The following PDE4B variants were observed in gnomAD, a reference collection of about 807,000 sequenced individuals.
The protein encoded by PDE4B is 3',5'-cyclic-AMP phosphodiesterase 4B.
A neutral mutation model predicts 82.2 loss-of-function variants in PDE4B; 20 were observed. That is an observed-to-expected ratio of 0.24 (90% confidence interval 0.17 to 0.35). The LOEUF (loss-of-function observed/expected upper bound fraction) is 0.35. Ranked by LOEUF, PDE4B falls within the 10% of genes least tolerant of loss-of-function variation. PDE4B has a pLI of 1.00. For synonymous variants in PDE4B, 320 were observed against 318.9 expected, an observed-to-expected ratio of 1.00 and a Z score of -0.04; for missense variants, 655 against 907.2, an observed-to-expected ratio of 0.72 and a Z score of 3.57.
intron 3 of PDE4B, among the ~76,000 whole-genome samples, chr1:66,028,381 C>G (rs1359322582): frequency 2.6e-5 from 4 of 152,138 alleles, no homozygotes; most frequent in Non-Finnish European, 4.4e-5. Flanking sequence ...ACAAAACCAC[C>G]TTTTCTTCCT....
intron 3 of PDE4B, among the ~76,000 whole-genome samples, chr1:66,122,334 T>C (rs1645726759): frequency 6.6e-6 from 1 of 152,232 alleles, no homozygotes; most frequent in African/African-American, 2.4e-5. Flanking sequence ...GCTGATTTTT[T>C]TCACATTTAT....
At chr1:66,241,629 C>A (rs1430576606) in intron 3 of PDE4B, among the ~76,000 whole-genome samples, 1 of 152,074 alleles carries the variant, frequency 6.6e-6, no homozygotes, top group Non-Finnish European at 1.5e-5. Flanking sequence ...CCTCAGCCTC[C>A]CGATACAGTT....
chr1:66,088,041 A>G (rs1644929785), intron 3 of PDE4B, among the ~76,000 whole-genome samples: 1 of 152,014 alleles, frequency 6.6e-6, no homozygotes, highest in South Asian at 2.1e-4. Context: ...AAATAATAAA[A>G]AAAAGTTTAC....
chr1:66,230,616 T>C lies in PDE4B; in HGVS notation c.282-16844T>C, dbSNP rs72924433. Among the ~76,000 whole-genome samples the C allele has an allele frequency of 9.6e-3, 1,469 of 152,312 alleles. 21 individuals are homozygous for C. Among genetic ancestry groups the C allele is most frequent in the African/African-American group, 0.033 (1,382 of 41,564 alleles). ...ATAGCAATGAGATTTAATTTGCGCA[T>C]CACAAAGACCGTTAGCCTTTAAACA... On this transcript the variant is annotated intron_variant, in intron 3 of 16. Coordinates refer to ENST00000341517, the MANE Select transcript of PDE4B (RefSeq NM_002600.4).
chr1:66,160,173 G>A (rs968854055), intron 3 of PDE4B, among the ~76,000 whole-genome samples: 5 of 152,186 alleles, frequency 3.3e-5, no homozygotes, highest in Non-Finnish European at 5.9e-5. Context: ...AATGTCCCAC[G>A]GTGTAGAGGA....
At chr1:66,175,726 C>A (rs1244898324) in intron 3 of PDE4B, among the ~76,000 whole-genome samples, 1 of 152,186 alleles carries the variant, frequency 6.6e-6, no homozygotes, top group East Asian at 1.9e-4. Flanking sequence ...TGAAGAATGA[C>A]ATTACTTCTT....
Position 66,036,826 on chromosome 1 carries a change from G to A in PDE4B, c.281+117991G>A, listed in dbSNP as rs114978413. ...GCTATTTGGAGTCTTTTATGATTCC[G>A]TACAAATTTTATAATTGTTTTTTCT... is the stretch of plus-strand genomic sequence containing the variant. On this transcript the variant is annotated intron_variant, in intron 3 of 16. Coordinates refer to ENST00000341517, the MANE Select transcript of PDE4B (RefSeq NM_002600.4). Among the ~76,000 whole-genome samples the A allele has an allele frequency of 7.0e-3, 1,067 of 152,002 alleles. 16 individuals are homozygous for A. The highest frequency in any genetic ancestry group is 0.024 in the African/African-American group (1,014 of 41,468).
chr1:65,983,968 C>T (rs1056471969), intron 3 of PDE4B, among the ~76,000 whole-genome samples: 10 of 152,072 alleles, frequency 6.6e-5, no homozygotes, highest in African/African-American at 1.9e-4. Flanking sequence ...ACCCAGGAAT[C>T]CTACATTTGG....
intron 3 of PDE4B, among the ~76,000 whole-genome samples, chr1:66,088,315 T>A (rs1644939599): frequency 6.6e-6 from 1 of 152,146 alleles, no homozygotes; most frequent in Middle Eastern, 3.4e-3. Flanking sequence ...TTTAGGATGA[T>A]GAGATCCAAG....
intron 3 of PDE4B, among the ~76,000 whole-genome samples, chr1:66,215,314 A>T (rs995629954): frequency 2.6e-5 from 4 of 152,170 alleles, no homozygotes; most frequent in South Asian, 2.1e-4. Context: ...GATGGTTCAT[A>T]GGTCAAAATC....
chr1:66,087,086 G>T (rs1319855754), intron 3 of PDE4B, among the ~76,000 whole-genome samples: 1 of 152,052 alleles, frequency 6.6e-6, no homozygotes, highest in African/African-American at 2.4e-5. Flanking sequence ...TTATATTCAC[G>T]TATTGCAAAA....
chr1:65,989,893 A>AT (rs10654149), intron 3 of PDE4B, among the ~76,000 whole-genome samples: 6,152 of 142,380 alleles, frequency 0.043, 359 homozygotes, highest in African/African-American at 0.13. Context: ...AAAGTGTCTC[A>AT]TTTTTTTTTT....
rs180892263 is a variant in PDE4B at position 66,281,543 on chromosome 1, G to A, written c.634+15456G>A. 2.1e-4 allele frequency among the ~76,000 whole-genome samples: 32 copies of A among 152,368 alleles called. No homozygotes were observed. The East Asian group carries it at 5.0e-3, about 24-fold the overall frequency. On this transcript the variant is annotated intron_variant, in intron 7 of 16. Coordinates refer to ENST00000341517, the MANE Select transcript of PDE4B (RefSeq NM_002600.4). ...TAACATGGGTTTTCCTCATTCGGAAGAAGGGTGGATTCAATCACTTCTGAG... is the reference window on the plus strand; with the variant it reads ...TAACATGGGTTTTCCTCATTCGGAAAAAGGGTGGATTCAATCACTTCTGAG...
At chr1:66,156,165 T>C (rs1199041431) in intron 3 of PDE4B, among the ~76,000 whole-genome samples, 2 of 152,164 alleles carry the variant, frequency 1.3e-5, no homozygotes, top group Non-Finnish European at 2.9e-5. Context: ...GTGGCATTTG[T>C]GGTTTTATCT....
Position 66,363,407 on chromosome 1 carries a change from G to A in PDE4B, c.1120G>A (p.Glu374Lys). Residue 374 changes from glutamate to lysine, a missense_variant and splice_region_variant, in exon 12 of 17, where the codon GAA becomes AAA. By Grantham distance (56) the Glu-to-Lys change is moderately conservative. Around this residue, in one of 3 missense-constraint regions of PDE4B, gnomAD observed 283 missense variants for 516.4 expected, o/e 0.55. Coordinates refer to ENST00000341517, the MANE Select transcript of PDE4B (RefSeq NM_002600.4). The stretch of plus-strand genomic sequence containing the variant: ...TGTTCTAATCCATTTTACAACACAG[G>A]AAAGAGACCTCCTAAAGACATTCAG... ...LTCIMYAIFQ[E>K]RDLLKTFRIS... is the part of the protein sequence containing the mutation. 6.2e-7 allele frequency: 1 copy of A among 1,610,764 alleles called. No individual in the cohort carries two copies. Among genetic ancestry groups the A allele is most frequent in the Non-Finnish European group, 8.5e-7 (1 of 1,177,916 alleles).
intron 3 of PDE4B, among the ~76,000 whole-genome samples, chr1:66,176,528 T>G (rs1490073930): frequency 6.6e-6 from 1 of 152,222 alleles, no homozygotes; most frequent in Non-Finnish European, 1.5e-5. Flanking sequence ...AGCCCTCAAT[T>G]TATTCAAATA....
intron 3 of PDE4B, among the ~76,000 whole-genome samples, chr1:65,923,519 C>T (rs1314549690): frequency 1.3e-5 from 2 of 152,160 alleles, no homozygotes. Context: ...TTTGGATTTT[C>T]CCAGATACTT....
Position 65,837,811 on chromosome 1 carries a change from T to A in PDE4B, c.-71+44563T>A, listed in dbSNP as rs554862145. The stretch of plus-strand genomic sequence containing the variant: ...AGGTAAACTTGTGTGTGTGTGTGTG[T>A]GAGAGAGAGAGGTCTGTTGTACAGA... On this transcript the variant is annotated intron_variant, in intron 1 of 16. Coordinates refer to ENST00000341517, the MANE Select transcript of PDE4B (RefSeq NM_002600.4). Among the ~76,000 whole-genome samples the A allele has an allele frequency of 1.0e-3, 152 of 151,934 alleles. No individual in the cohort carries two copies. In the Middle Eastern group the frequency reaches 0.014, roughly 14 times the overall value.
chr1:66,074,858 C>A (rs528291253), intron 3 of PDE4B, among the ~76,000 whole-genome samples: 1 of 152,128 alleles, frequency 6.6e-6, no homozygotes, highest in African/African-American at 2.4e-5. Context: ...TATGGATTCA[C>A]CATCTTTTGT....
Sources: allele counts gnomAD v4.1 joint callset (sites outside exome capture counted in the v4.1 genomes callset), GRCh38; gene constraint gnomAD v4.1.1; regional missense constraint gnomAD v4.1.1; transcripts MANE v1.5; gene names NCBI Gene and HGNC (gene_info 2026-07-23, HGNC 2026-07-21).